The following CASK variants were observed in gnomAD, a reference collection of about 807,000 sequenced individuals.
CASK encodes peripheral plasma membrane protein CASK.
In CASK, 4 loss-of-function variants were observed where a neutral mutation model predicts 82.9. That is an observed-to-expected ratio of 0.05 (90% CI 0.02 to 0.11). The LOEUF (loss-of-function observed/expected upper bound fraction) is 0.11, where lower values mean the gene tolerates loss of function less well. CASK is among the 10% of genes least tolerant of loss of function. The probability of loss-of-function intolerance (pLI) is 1.00; values close to 1 mark genes in which losing one functional copy is unlikely to be tolerated. For synonymous variants in CASK, 259 were observed against 253.5 expected (o/e 1.02, Z -0.20); for missense variants, 358 against 720.9 (o/e 0.50, Z 5.76).
At chrX:41,751,645 C>T (rs1465628093) in intron 3 of CASK, among the ~76,000 whole-genome samples, 1 of 110,338 alleles carries the variant, frequency 9.1e-6, no homozygotes, top group Non-Finnish European at 1.9e-5. Flanking sequence ...GAGGTTAAGG[C>T]TCTGATGAAA....
rs2065168093 is a variant in CASK at position 41,557,048 on chromosome X, G to A, written c.1790C>T (p.Thr597Ile). The change falls in exon 19 of 27, where the codon ACT becomes ATT. Residue 597 changes from threonine (T) to isoleucine (I), a missense_variant. This residue lies in a region of CASK where 41 missense variants were observed against 39.4 expected (regional missense o/e 1.04). Transcript: ENST00000378163. ...AGTTCTTACCGAAACAGAATTGTTAGTGCTGCTATGACCATTAGCTGGGGA... is the reference window on the plus strand; with the variant it reads ...AGTTCTTACCGAAACAGAATTGTTAATGCTGCTATGACCATTAGCTGGGGA... ...RQSPANGHSS[T>I]NNSVSDLPST... 1 of 1,207,368 alleles carries A rather than the reference G, an allele frequency of 8.3e-7. No homozygotes were observed. Among genetic ancestry groups the A allele is most frequent in the Non-Finnish European group, 1.1e-6 (1 of 892,764 alleles).
intron 5 of CASK, among the ~76,000 whole-genome samples, chrX:41,724,787 C>G (rs1397317757): frequency 9.0e-6 from 1 of 111,613 alleles, no homozygotes; most frequent in Non-Finnish European, 1.9e-5. Flanking sequence ...AAGTCTATGT[C>G]CCTTTTGTTT....
chrX:41,638,849 A>C (rs187520634), intron 8 of CASK, among the ~76,000 whole-genome samples: 111 of 110,910 alleles, frequency 1.0e-3, no homozygotes, highest in African/African-American at 3.5e-3. Context: ...CTAGAGTGAC[A>C]TGATCTGACT....
At chrX:41,545,954 G>A (rs1403769368) in intron 21 of CASK, among the ~76,000 whole-genome samples, 1 of 108,785 alleles carries the variant, frequency 9.2e-6, no homozygotes, top group African/African-American at 3.4e-5. Context: ...CCTAAGTAGC[G>A]GACTACAGGT....
At chrX:41,777,468 G>T (rs1177114539) in intron 3 of CASK, among the ~76,000 whole-genome samples, 1 of 102,103 alleles carries the variant, frequency 9.8e-6, no homozygotes, top group Non-Finnish European at 2.0e-5. Flanking sequence ...CAGCCTGGGC[G>T]ACAGAGCGAG....
rs754872722 is a variant in CASK at position 41,761,512 on chromosome X, G to A, written c.279-15911C>T. ...TTGCACTCTGAAATCAAACTAGCTC[G>A]TGTAATCTTACTTTTAGGCAAGTTT... is the stretch of plus-strand genomic sequence containing the variant. On this transcript the variant is annotated intron_variant, in intron 3 of 26. Coordinates refer to ENST00000378163, the MANE Select transcript of CASK (RefSeq NM_001367721.1). Among the ~76,000 whole-genome samples, 270 of 111,669 alleles carry A rather than the reference G, an allele frequency of 2.4e-3. 1 individual carries two copies. Among genetic ancestry groups the A allele is most frequent in the African/African-American group, 8.4e-3 (259 of 30,774 alleles).
intron 1 of CASK, among the ~76,000 whole-genome samples, chrX:41,888,963 G>C (rs1013190505): frequency 9.1e-6 from 1 of 109,642 alleles, no homozygotes; most frequent in African/African-American, 3.3e-5. Context: ...GTGTGTGCAA[G>C]TATCTTTTTC....
intron 2 of CASK, among the ~76,000 whole-genome samples, chrX:41,827,374 C>T (rs751124373): frequency 7.1e-4 from 79 of 111,608 alleles, no homozygotes; most frequent in African/African-American, 2.4e-3. Context: ...CTGGGAAGTC[C>T]AAGATCAAGG....
chrX:41,622,656 G>C (rs374573280), intron 10 of CASK, 22 bp from the exon 11 acceptor site: 97 of 1,175,460 alleles, frequency 8.3e-5, no homozygotes, highest in Non-Finnish European at 8.8e-5. Flanking sequence ...GCAGCATATG[G>C]ACAAACAACA....
At chrX:41,652,695 G>A (rs986943548) in intron 8 of CASK, among the ~76,000 whole-genome samples, 4 of 112,043 alleles carry the variant, frequency 3.6e-5, no homozygotes, top group African/African-American at 6.5e-5. Flanking sequence ...GGGAGTTTCC[G>A]GATAGCTGCA....
At chrX:41,922,891 C>T in intron 1 of CASK, 39 bp downstream of exon 1, 2 of 1,179,816 alleles carry the variant, frequency 1.7e-6, no homozygotes, top group Non-Finnish European at 2.3e-6. Context: ...CACTGAAATG[C>T]ATTTTTCCAC....
At chrX:41,620,582 A>G (rs2066273685) in intron 11 of CASK, among the ~76,000 whole-genome samples, 1 of 112,382 alleles carries the variant, frequency 8.9e-6, no homozygotes. Flanking sequence ...TTAAGTTAAA[A>G]GTCGCCATTT....
rs1464628089 is a variant in CASK, at chrX:41,844,575, T to G, written c.172+8540A>C. On this transcript the variant is annotated intron_variant, in intron 2 of 26. Transcript: ENST00000378163. ...TAATGTCCCTTCCTTTATTATGGAT[T>G]TTATTACTTTGAGTTGTCTCTTTTT... Among the ~76,000 whole-genome samples, 2 of 111,402 alleles carry G rather than the reference T, an allele frequency of 1.8e-5. 1 individual carries two copies. The highest frequency in any genetic ancestry group is 6.5e-5 in the African/African-American group (2 of 30,726).
chrX:41,555,689 C>T (rs1287084810), intron 19 of CASK, 54 bp from the exon 20 acceptor site: 1 of 940,921 alleles, frequency 1.1e-6, no homozygotes, highest in Non-Finnish European at 1.5e-6. Flanking sequence ...TTCAAGAGTA[C>T]AAAGTAATTT....
At chrX:41,755,333 T>C (rs367983360) in intron 3 of CASK, among the ~76,000 whole-genome samples, 1 of 111,843 alleles carries the variant, frequency 8.9e-6, no homozygotes, top group Non-Finnish European at 1.9e-5. Flanking sequence ...CTAAAGAACA[T>C]AGATGCAAGT....
At chrX:41,710,081 T>TGTG (rs2067947788) in intron 5 of CASK, among the ~76,000 whole-genome samples, 3 of 72,185 alleles carry the variant, frequency 4.2e-5, no homozygotes, top group African/African-American at 5.5e-5. Context: ...GGTATAGATT[T>TGTG]TGTGTGTGTG....
chrX:41,543,178 A>G (rs1361672367), intron 21 of CASK, among the ~76,000 whole-genome samples: 1 of 112,113 alleles, frequency 8.9e-6, no homozygotes, highest in Non-Finnish European at 1.9e-5. Flanking sequence ...GGAACTTTAC[A>G]TGTATTAACT....
chrX:41,532,658 T>G (rs752075731), intron 24 of CASK, among the ~76,000 whole-genome samples: 4 of 110,474 alleles, frequency 3.6e-5, no homozygotes, highest in Admixed American at 9.6e-5. Context: ...TTTATGCTAC[T>G]CTCTTCTGTA....
At chrX:41,842,065 C>T (rs1007571909) in intron 2 of CASK, among the ~76,000 whole-genome samples, 1 of 111,388 alleles carries the variant, frequency 9.0e-6, no homozygotes, top group Non-Finnish European at 1.9e-5. Flanking sequence ...GGGTAGAGGT[C>T]CACCTTCAAA....
Sources: allele counts gnomAD v4.1 joint callset (sites outside exome capture counted in the v4.1 genomes callset), GRCh38; gene constraint gnomAD v4.1.1; regional missense constraint gnomAD v4.1.1; transcripts MANE v1.5; gene names NCBI Gene and HGNC (gene_info 2026-07-23, HGNC 2026-07-21).